The following CEP128 variants were observed in gnomAD, a reference collection of about 807,000 sequenced individuals.
CEP128 encodes centrosomal protein 128.
CEP128 carries 132 observed loss-of-function variants against 156.7 expected under a neutral mutation model. That is an observed-to-expected ratio of 0.84 (90% CI 0.73 to 0.97). The LOEUF (loss-of-function observed/expected upper bound fraction) is 0.97, where lower values mean the gene tolerates loss of function less well. CEP128 is among the 50% of genes least tolerant of loss of function. CEP128 has a pLI of 0.00. For missense variants in CEP128, 1,252 were observed against 1,281.9 expected (o/e 0.98, Z 0.36); for synonymous variants, 469 against 448.9 (o/e 1.04, Z -0.57).
intron 13 of CEP128, among the ~76,000 whole-genome samples, chr14:80,820,642 A>T (rs1885114642): frequency 6.6e-6 from 1 of 152,188 alleles, no homozygotes; most frequent in Non-Finnish European, 1.5e-5. Context: ...TGCCTCCGCA[A>T]CAAAATACTT....
rs148222902 is a variant in CEP128, at chr14:80,760,991, A to G, written c.2553+446T>C. Among the ~76,000 whole-genome samples the G allele has an allele frequency of 1.3e-4, 20 of 152,206 alleles. No individual in the cohort carries two copies. The East Asian group carries it at 3.9e-3, about 29-fold the overall frequency. On this transcript the variant is annotated intron_variant, in intron 17 of 24. Coordinates refer to ENST00000555265, the MANE Select transcript of CEP128 (RefSeq NM_152446.5). ...AACCGTCTAAACCTCCCTTTCTCTT[A>G]AGTGGGTTTAATCAGAGTAACTAAA...
rs1050423908 is a variant in CEP128, at chr14:80,613,099, G to A, written c.2807-32676C>T. Among the ~76,000 whole-genome samples the A allele has an allele frequency of 4.2e-5, 6 of 144,046 alleles. No individual in the cohort carries two copies. In the South Asian group the frequency reaches 9.4e-4, roughly 22 times the overall value. The allele number at this position is 144,046 out of a possible 152,430, so 94.5% of individuals were successfully genotyped here. ...TCGAACTCCTGAGCTCAGGCAATCC[G>A]CCCACCTCGGCCTCCCAAAGTGCTA... is the stretch of plus-strand genomic sequence containing the variant. On this transcript the variant is annotated intron_variant, in intron 19 of 24. Transcript: ENST00000555265.
At chr14:80,616,838 A>G (rs1451619650) in intron 19 of CEP128, among the ~76,000 whole-genome samples, 1 of 152,242 alleles carries the variant, frequency 6.6e-6, no homozygotes, top group Non-Finnish European at 1.5e-5. Context: ...AAGGACATTT[A>G]GAGATCATGT....
intron 19 of CEP128, among the ~76,000 whole-genome samples, chr14:80,642,767 T>G (rs1033737767): frequency 6.6e-5 from 10 of 152,080 alleles, no homozygotes; most frequent in African/African-American, 2.4e-4. Context: ...CCCCTTTTTT[T>G]TTTTTTGAGA....
At chr14:80,896,977 A>C (rs778227038) in intron 7 of CEP128, among the ~76,000 whole-genome samples, 1 of 152,194 alleles carries the variant, frequency 6.6e-6, no homozygotes, top group African/African-American at 2.4e-5. Context: ...TCTTGGTTAC[A>C]ATCTTATTTA....
At chr14:80,683,332 T>C (rs1487690658) in intron 19 of CEP128, among the ~76,000 whole-genome samples, 2 of 152,088 alleles carry the variant, frequency 1.3e-5, no homozygotes, top group Non-Finnish European at 2.9e-5. Flanking sequence ...TTATATTAGA[T>C]GAAAGAGACT....
intron 2 of CEP128, among the ~76,000 whole-genome samples, chr14:80,952,820 A>T (rs1201381054): frequency 6.6e-6 from 1 of 152,210 alleles, no homozygotes; most frequent in Non-Finnish European, 1.5e-5. Flanking sequence ...CAGAGTTGAC[A>T]TCAGAATAGA....
At chr14:80,525,344 T>C (rs1888927909) in intron 23 of CEP128, among the ~76,000 whole-genome samples, 1 of 152,214 alleles carries the variant, frequency 6.6e-6, no homozygotes, top group South Asian at 2.1e-4. Context: ...CATTTAATTA[T>C]TACTCTACAG....
At chr14:80,761,795 T>A (rs556816897) in intron 16 of CEP128, among the ~76,000 whole-genome samples, 182 bp from the exon 17 acceptor site, 1 of 152,092 alleles carries the variant, frequency 6.6e-6, no homozygotes, top group Non-Finnish European at 1.5e-5. Context: ...AATTATAGAG[T>A]TCCATCGTAG....
chr14:80,591,926 A>C (rs1362936620), intron 19 of CEP128, among the ~76,000 whole-genome samples: 1 of 152,260 alleles, frequency 6.6e-6, no homozygotes, highest in African/African-American at 2.4e-5. Context: ...TAATGAAATT[A>C]AGGCTGAAAT....
chr14:80,656,279 T>TTTTA (rs1895140436), intron 19 of CEP128, among the ~76,000 whole-genome samples: 1 of 47,126 alleles, frequency 2.1e-5, no homozygotes, highest in African/African-American at 8.0e-5. Context: ...AAGTTTTTAT[T>TTTTA]TATATATATA....
At chr14:80,764,264 C>T (rs1401289737) in intron 16 of CEP128, among the ~76,000 whole-genome samples, 2 of 151,222 alleles carry the variant, frequency 1.3e-5, no homozygotes, top group African/African-American at 2.4e-5. Context: ...TTTGGGAGGC[C>T]GAGGCGGGTG....
chr14:80,745,599 C>T (rs760653213), intron 18 of CEP128, among the ~76,000 whole-genome samples: 6 of 151,894 alleles, frequency 4.0e-5, no homozygotes, highest in Non-Finnish European at 8.8e-5. Context: ...AGAAGAGAAC[C>T]TCCTTAATAT....
At chr14:80,664,720 C>G (rs1895542373) in intron 19 of CEP128, among the ~76,000 whole-genome samples, 1 of 152,178 alleles carries the variant, frequency 6.6e-6, no homozygotes, top group African/African-American at 2.4e-5. Flanking sequence ...TACTCCATCA[C>G]TTGACTACAG....
At chr14:80,853,007 T>C (rs34264363) in intron 9 of CEP128, among the ~76,000 whole-genome samples, 15,111 of 151,926 alleles carry the variant, frequency 0.099, 1,239 homozygotes, top group East Asian at 0.43. Flanking sequence ...GAATCAACCA[T>C]ATTTAAATCA....
chr14:80,512,257 G>A (rs985794965), intron 23 of CEP128, among the ~76,000 whole-genome samples: 3 of 151,968 alleles, frequency 2.0e-5, no homozygotes, highest in African/African-American at 7.2e-5. Flanking sequence ...GTAATCCAGT[G>A]TTGGGTGCAT....
At chr14:80,654,777 C>G (rs767152646) in intron 19 of CEP128, among the ~76,000 whole-genome samples, 1 of 151,498 alleles carries the variant, frequency 6.6e-6, no homozygotes, top group Non-Finnish European at 1.5e-5. Context: ...TTCTTTTTTC[C>G]TGCTTTCATT....
intron 13 of CEP128, among the ~76,000 whole-genome samples, chr14:80,814,977 G>A (rs997044726): frequency 6.6e-6 from 1 of 152,184 alleles, no homozygotes; most frequent in African/African-American, 2.4e-5. Context: ...AGAATTGCTT[G>A]AACCTGAGAG....
At chr14:80,727,963 A>G (rs968929535) in intron 19 of CEP128, among the ~76,000 whole-genome samples, 1 of 152,320 alleles carries the variant, frequency 6.6e-6, no homozygotes, top group Non-Finnish European at 1.5e-5. Flanking sequence ...TTCTAAAAAA[A>G]CTTAAAACTA....
Sources: allele counts gnomAD v4.1 joint callset (sites outside exome capture counted in the v4.1 genomes callset), GRCh38; gene constraint gnomAD v4.1.1; transcripts MANE v1.5; gene names NCBI Gene and HGNC (gene_info 2026-07-23, HGNC 2026-07-21).